SPOCK3: variants seen among roughly 807,000 people sequenced by gnomAD.
SPOCK3 encodes the protein SPARC (osteonectin), cwcv and kazal like domains proteoglycan 3.
Under a neutral mutation model 56.6 loss-of-function variants are expected in SPOCK3, and 30 were observed. The ratio of observed to expected loss-of-function variants is 0.53; its 90% CI spans 0.40 to 0.72. The LOEUF is 0.72. Ranked by LOEUF, SPOCK3 falls within the 30% of genes least tolerant of loss-of-function variation. SPOCK3 has a pLI of 0.00. For synonymous variants in SPOCK3, 196 were observed against 183.3 expected, an observed-to-expected ratio of 1.07 and a Z score of -0.56; for missense variants, 527 against 530.0, an observed-to-expected ratio of 0.99 and a Z score of 0.06.
chr4:166,741,188 A>C (rs1297746159), intron 9 of SPOCK3, among the ~76,000 whole-genome samples: 3 of 152,206 alleles, frequency 2.0e-5, no homozygotes, highest in African/African-American at 7.2e-5. Context: ...TCTAAAATAG[A>C]AAAAGAACAG....
At chr4:166,819,735 G>A (rs2126755922) in intron 6 of SPOCK3, among the ~76,000 whole-genome samples, 1 of 150,972 alleles carries the variant, frequency 6.6e-6, no homozygotes, top group East Asian at 2.0e-4. Flanking sequence ...CCACATTCAT[G>A]AATTGGAAGA....
chr4:167,058,028 T>C (rs1307158075), intron 3 of SPOCK3, among the ~76,000 whole-genome samples: 1 of 152,168 alleles, frequency 6.6e-6, no homozygotes, highest in East Asian at 1.9e-4. Context: ...ATTGACCACA[T>C]ACTTTGAAGT....
rs562650886 is a variant in SPOCK3 at position 166,964,391 on chromosome 4, C to T, written c.350+35958G>A. Among the ~76,000 whole-genome samples, 10 of 151,766 alleles carry T rather than the reference C, an allele frequency of 6.6e-5. No homozygotes were observed. In the East Asian group the frequency reaches 1.9e-3, roughly 29 times the overall value. ...ACATCAGATATTTTACAGTATTCTC[C>T]TAAGTCTCAACCATATTGTTATTGA... On this transcript the variant is annotated intron_variant, in intron 4 of 10. Transcript: ENST00000357545.
intron 2 of SPOCK3, among the ~76,000 whole-genome samples, chr4:167,132,477 A>C (rs1475813841): frequency 2.0e-5 from 3 of 152,250 alleles, no homozygotes; most frequent in African/African-American, 7.2e-5. Context: ...TTTATGAAAT[A>C]GATAACTATC....
At chr4:167,014,458 C>A (rs1033559316) in intron 3 of SPOCK3, among the ~76,000 whole-genome samples, 1 of 151,860 alleles carries the variant, frequency 6.6e-6, no homozygotes, top group Non-Finnish European at 1.5e-5. Flanking sequence ...CTAGCCTGGG[C>A]AACAAGGTGA....
At chr4:167,064,073 C>T (rs910318182) in intron 2 of SPOCK3, among the ~76,000 whole-genome samples, 4 of 151,736 alleles carry the variant, frequency 2.6e-5, no homozygotes, top group African/African-American at 9.7e-5. Context: ...AAATGTAGCA[C>T]TGACTTCAAT....
intron 3 of SPOCK3, among the ~76,000 whole-genome samples, chr4:167,047,282 A>G (rs950509394): frequency 6.6e-6 from 1 of 152,222 alleles, no homozygotes; most frequent in Non-Finnish European, 1.5e-5. Flanking sequence ...TATAAAAATA[A>G]TTTGAGTAGA....
intron 8 of SPOCK3, among the ~76,000 whole-genome samples, chr4:166,744,427 G>C (rs1579092747): frequency 6.6e-6 from 1 of 152,238 alleles, no homozygotes; most frequent in Middle Eastern, 3.4e-3. Context: ...AATCAGAAAG[G>C]AATAGCAGTA....
chr4:166,946,656 A>C (rs775559835), intron 4 of SPOCK3, among the ~76,000 whole-genome samples: 1 of 152,156 alleles, frequency 6.6e-6, no homozygotes, highest in Non-Finnish European at 1.5e-5. Context: ...TCTCTTTGGC[A>C]TGTCGGATCC....
At chr4:166,901,484 A>G (rs1229770769) in intron 5 of SPOCK3, among the ~76,000 whole-genome samples, 4 of 152,168 alleles carry the variant, frequency 2.6e-5, no homozygotes, top group African/African-American at 9.6e-5. Context: ...TTGATAATAA[A>G]TGTTTCACTA....
chr4:167,062,960 G>T (rs1422920640), intron 2 of SPOCK3, among the ~76,000 whole-genome samples: 1 of 151,666 alleles, frequency 6.6e-6, no homozygotes. Context: ...CAACTTCATT[G>T]TCCCCTAGTA....
At chr4:166,919,461 A>C (rs1738247140) in intron 4 of SPOCK3, among the ~76,000 whole-genome samples, 1 of 152,200 alleles carries the variant, frequency 6.6e-6, no homozygotes, top group Non-Finnish European at 1.5e-5. Flanking sequence ...TCAAAATTTC[A>C]ATAGGCATCA....
chr4:166,998,708 A>G (rs2150124961), intron 4 of SPOCK3, among the ~76,000 whole-genome samples: 1 of 152,168 alleles, frequency 6.6e-6, no homozygotes, highest in Non-Finnish European at 1.5e-5. Context: ...GAATCTTTTC[A>G]AAGCTGTTAA....
At chr4:166,738,187 C>T (rs7681289) in intron 9 of SPOCK3, among the ~76,000 whole-genome samples, 122,144 of 152,078 alleles carry the variant, frequency 0.8, 49,302 homozygotes, top group African/African-American at 0.84. Flanking sequence ...TAAAGTCTTC[C>T]TCAAAATGAA....
At chr4:167,124,201 G>A (rs1258494228) in intron 2 of SPOCK3, among the ~76,000 whole-genome samples, 1 of 152,078 alleles carries the variant, frequency 6.6e-6, no homozygotes, top group Non-Finnish European at 1.5e-5. Context: ...CCTTGAATTT[G>A]TTTTCTTTTT....
At chr4:167,182,093 A>G (rs1731513503) in intron 2 of SPOCK3, among the ~76,000 whole-genome samples, 1 of 152,198 alleles carries the variant, frequency 6.6e-6, no homozygotes. Context: ...CTTTCTAAAT[A>G]ACTCATTGTA....
intron 2 of SPOCK3, among the ~76,000 whole-genome samples, chr4:167,163,845 AT>A (rs1765528973): frequency 6.6e-6 from 1 of 152,126 alleles, no homozygotes; most frequent in African/African-American, 2.4e-5. Flanking sequence ...CCAGAAAAAA[AT>A]CCTGACCTTA....
intron 3 of SPOCK3, among the ~76,000 whole-genome samples, chr4:167,043,185 G>T (rs2150204788): frequency 6.6e-6 from 1 of 152,116 alleles, no homozygotes; most frequent in East Asian, 1.9e-4. Context: ...CTTATAGAAA[G>T]CTTGTTTATA....
intron 2 of SPOCK3, among the ~76,000 whole-genome samples, chr4:167,118,298 T>G (rs986457518): frequency 6.6e-6 from 1 of 152,166 alleles, no homozygotes; most frequent in African/African-American, 2.4e-5. Context: ...AGGTGCTTTC[T>G]TACTAGAGGA....
Sources: allele counts gnomAD v4.1 joint callset (sites outside exome capture counted in the v4.1 genomes callset), GRCh38; gene constraint gnomAD v4.1.1; transcripts MANE v1.5; gene names NCBI Gene and HGNC (gene_info 2026-07-23, HGNC 2026-07-21).